The following TMEM191B variants were observed in gnomAD, a reference collection of about 807,000 sequenced individuals.
The protein encoded by TMEM191B is transmembrane protein 191B.
Under a neutral mutation model 26.6 loss-of-function variants are expected in TMEM191B, and 8 were observed. That is an observed-to-expected ratio of 0.30 (90% CI 0.18 to 0.54). The LOEUF is 0.54. Ranked by LOEUF, TMEM191B falls within the 20% of genes least tolerant of loss-of-function variation. TMEM191B has a pLI of 0.94. For synonymous variants in TMEM191B, 29 were observed against 113.7 expected (o/e 0.26, Z 4.74); for missense variants, 64 against 241.2 (o/e 0.27, Z 4.87).
In TMEM191B at chr22:18,530,268, G is replaced by C; in HGVS notation, c.850G>C (p.Gly284Arg). The change falls in exon 9 of 9, where the codon GGC (glycine) becomes CGC (arginine). Residue 284 changes from glycine to arginine, a missense_variant. Gly to Arg is a moderately radical substitution (Grantham distance 125). This residue lies in a region of TMEM191B where 26 missense variants were observed against 127.1 expected (regional missense o/e 0.20). Transcript: ENST00000612978. ...TTCGCCCCGCAGGCGGTGCGTGCTG[G>C]GCGCGCTGCAGGTGCTGCTGACGCT... is the stretch of plus-strand genomic sequence containing the variant. ...RALAIRRCVL[G>R]ALQVLLTLPL... The C allele has an allele frequency of 1.6e-5, 9 of 559,982 alleles. 3 individuals are homozygous for C. The highest frequency in any genetic ancestry group is 2.1e-5 in the Non-Finnish European group (9 of 419,716). The allele number at this position is 559,982 out of a possible 1,614,324, so 34.7% of individuals were successfully genotyped here.
Position 18,529,946 on chromosome 22 carries a change from C to G in TMEM191B, c.733C>G (p.Gln245Glu). The change falls in exon 7 of 9, where the codon CAG (glutamine) becomes GAG (glutamate). Residue 245 changes from glutamine (Q) to glutamate (E), a missense_variant. Coordinates refer to ENST00000612978, the MANE Select transcript of TMEM191B (RefSeq NM_001242313.1). The stretch of plus-strand genomic sequence containing the variant: ...TGCCTGTCCCCGCAGGTGTGACGGG[C>G]AGCTTCGCGGAGTGCAGTACAGCAC... ...PPPDLGRCDG[Q>E]LRGVQYSTES... is the part of the protein sequence containing the mutation. 6.9e-7 allele frequency: 1 copy of G among 1,448,164 alleles called. No individual in the cohort carries two copies. Among genetic ancestry groups the G allele is most frequent in the African/African-American group, 1.8e-5 (1 of 55,448 alleles). The allele number at this position is 1,448,164 out of a possible 1,614,324, so 89.7% of individuals were successfully genotyped here. A position where few individuals can be genotyped will look rare whatever the true frequency, so the allele number is the denominator to read the frequency against.
chr22:18,529,406 G>A (rs1932842200), intron 4 of TMEM191B, 35 bp from the exon 5 acceptor site: 1 of 393,632 alleles, frequency 2.5e-6, no homozygotes, highest in Non-Finnish European at 4.5e-6. Context: ...TTGCCGGCCT[G>A]CGGACCTCCT....
chr22:18,528,813 G>T lies in TMEM191B; in HGVS notation c.421-4G>T. 1 of 906,082 alleles carries T rather than the reference G, an allele frequency of 1.1e-6. No homozygotes were observed. Among genetic ancestry groups the T allele is most frequent in the Non-Finnish European group, 1.6e-6 (1 of 626,118 alleles). 56.1% of individuals were successfully genotyped at this position (906,082 alleles called of 1,614,324 possible). A position where few individuals can be genotyped will look rare whatever the true frequency, so the allele number is the denominator to read the frequency against. On this transcript the variant is annotated splice_region_variant and splice_polypyrimidine_tract_variant and intron_variant, in intron 2 of 8. Transcript: ENST00000612978. ...TCGGCACCGCCCCAGGACCCCGTCC[G>T]CAGGAGCAGCACAGCAGGCAGCTGC...
In TMEM191B at chr22:18,530,246, G is replaced by A; in HGVS notation, c.837-9G>A. On this transcript the variant is annotated splice_polypyrimidine_tract_variant and intron_variant, in intron 8 of 8. Coordinates refer to ENST00000612978, the MANE Select transcript of TMEM191B (RefSeq NM_001242313.1). ...GCGGTCCCCCACCTGCCCGCCTTTC[G>A]CCCCGCAGGCGGTGCGTGCTGGGCG... The A allele has an allele frequency of 1.9e-6, 1 of 539,366 alleles. No homozygotes were observed. Among genetic ancestry groups the A allele is most frequent in the Non-Finnish European group, 2.5e-6 (1 of 406,982 alleles). 33.4% of individuals were successfully genotyped at this position (539,366 alleles called of 1,614,324 possible).
rs1932831357 is a variant in TMEM191B, at chr22:18,528,690, A to G, written c.420+8A>G. 10 of 1,393,618 alleles carry G rather than the reference A, an allele frequency of 7.2e-6. No homozygotes were observed. The highest frequency in any genetic ancestry group is 9.3e-6 in the Non-Finnish European group (10 of 1,073,144). 86.3% of individuals were successfully genotyped at this position (1,393,618 alleles called of 1,614,324 possible). A position where few individuals can be genotyped will look rare whatever the true frequency, so the allele number is the denominator to read the frequency against. ...CGCCACAAGGAGGACTTGGTGAGGA[A>G]GAGTCCTAGAATGGGGCTGGACCCA... On this transcript the variant is annotated splice_region_variant and intron_variant, in intron 2 of 8. Coordinates refer to ENST00000612978, the MANE Select transcript of TMEM191B (RefSeq NM_001242313.1).
chr22:18,529,091 C>T lies in TMEM191B; in HGVS notation c.544C>T (p.Gln182Ter), dbSNP rs1471979278. 2.2e-6 allele frequency: 2 copies of T among 889,168 alleles called. No homozygotes were observed. The highest frequency in any genetic ancestry group is 3.2e-6 in the Non-Finnish European group (2 of 630,546). The allele number at this position is 889,168 out of a possible 1,614,324, so 55.1% of individuals were successfully genotyped here. Residue 182 changes from glutamine to a stop codon, truncating the protein, a stop_gained and splice_region_variant, in exon 4 of 9, where the codon CAG becomes TAG. Transcript: ENST00000612978. LOFTEE classifies it high-confidence loss of function. The part of the protein sequence containing the change: ...QQLAAQLVTL[Q>*]NELELAETKC... ...ACTCGCAGCCCAATTGGTGACGCTG[C>T]AGGTGCTTGAGCGGGACCCTGAGGT...
In TMEM191B at chr22:18,528,661, G is replaced by C; in HGVS notation, c.399G>C (p.Ala133=). ...AERVRRRLEE[A]ERHKEDLEQH... ...GGGTGCGCAGAAGACTGGAGGAGGC[G>C]GAGCGCCACAAGGAGGACTTGGTGA... The change falls in exon 2 of 9, where the codon GCG becomes GCC. Residue 133 remains alanine, a synonymous_variant. Transcript: ENST00000612978. 3.4e-6 allele frequency: 5 copies of C among 1,490,796 alleles called. No individual in the cohort carries two copies. Among genetic ancestry groups the C allele is most frequent in the Admixed American group, 2.3e-5 (1 of 44,342 alleles). The allele number at this position is 1,490,796 out of a possible 1,614,324, so 92.3% of individuals were successfully genotyped here.
chr22:18,530,215 G>A lies in TMEM191B; in HGVS notation c.836+19G>A, dbSNP rs532605347. The A allele has an allele frequency of 6.3e-4, 334 of 526,120 alleles. 45 individuals are homozygous for A. In the African/African-American group the frequency reaches 0.01, roughly 16 times the overall value. 32.6% of individuals were successfully genotyped at this position (526,120 alleles called of 1,614,324 possible). ...CCATCAGGTGAGCCGGGCGGTGGGC[G>A]CGGCCGCGGTCCCCCACCTGCCCGC... On this transcript the variant is annotated intron_variant, in intron 8 of 8. Coordinates refer to ENST00000612978, the MANE Select transcript of TMEM191B (RefSeq NM_001242313.1).
intron 4 of TMEM191B, among the ~76,000 whole-genome samples, 159 bp downstream of exon 4, chr22:18,529,252 C>G (rs1932839788): frequency 1.4e-5 from 1 of 72,568 alleles, no homozygotes; most frequent in African/African-American, 4.9e-5. Flanking sequence ...GCTCTGAGGG[C>G]TAGAATAGGG....
rs1342129558 is a variant in TMEM191B at position 18,528,604 on chromosome 22, G to A, written c.342G>A (p.Glu114=). Residue 114 remains glutamate, a synonymous_variant, in exon 2 of 9, where the codon GAG becomes GAA. Coordinates refer to ENST00000612978, the MANE Select transcript of TMEM191B (RefSeq NM_001242313.1). ...RSQAAQPLQG[E]AREAARERAE... is the part of the protein sequence containing the mutation. Reference sequence around the variant, plus strand: ...AGGCAGCGCAGCCTCTGCAAGGGGAGGCGCGCGAGGCGGCGCGGGAGCGCG... The same window carrying A: ...AGGCAGCGCAGCCTCTGCAAGGGGAAGCGCGCGAGGCGGCGCGGGAGCGCG... 2.3e-5 allele frequency: 31 copies of A among 1,336,948 alleles called. 1 individual carries two copies. Among genetic ancestry groups the A allele is most frequent in the Admixed American group, 2.6e-5 (1 of 38,060 alleles). 82.8% of individuals were successfully genotyped at this position (1,336,948 alleles called of 1,614,324 possible). A position where few individuals can be genotyped will look rare whatever the true frequency, so the allele number is the denominator to read the frequency against.
In TMEM191B at chr22:18,528,655, G is replaced by C. The variant is rs932487810; in HGVS notation, c.393G>C (p.Glu131Asp). The C allele has an allele frequency of 4.7e-6, 7 of 1,488,942 alleles. No homozygotes were observed. In the East Asian group the frequency reaches 1.9e-4, roughly 40 times the overall value. The allele number at this position is 1,488,942 out of a possible 1,614,324, so 92.2% of individuals were successfully genotyped here. Residue 131 changes from glutamate (E) to aspartate (D), a missense_variant, in exon 2 of 9, where the codon GAG (glutamate) becomes GAC (aspartate). This residue lies in a region of TMEM191B where 16 missense variants were observed against 18.1 expected (regional missense o/e 0.88). Transcript: ENST00000612978. Reference sequence around the variant, plus strand: ...CGGAGCGGGTGCGCAGAAGACTGGAGGAGGCGGAGCGCCACAAGGAGGACT... The same window carrying C: ...CGGAGCGGGTGCGCAGAAGACTGGACGAGGCGGAGCGCCACAAGGAGGACT... ...ERAERVRRRL[E>D]EAERHKEDLE...
At position 18,529,918 on chromosome 22, in the gene TMEM191B, G is replaced by C; in HGVS notation, c.723-18G>C. The C allele has an allele frequency of 7.7e-7, 1 of 1,295,582 alleles. No individual in the cohort carries two copies. The highest frequency in any genetic ancestry group is 1.5e-5 in the South Asian group (1 of 64,828). The allele number at this position is 1,295,582 out of a possible 1,614,324, so 80.3% of individuals were successfully genotyped here. On this transcript the variant is annotated intron_variant, in intron 6 of 8. Coordinates refer to ENST00000612978, the MANE Select transcript of TMEM191B (RefSeq NM_001242313.1). The stretch of plus-strand genomic sequence containing the variant: ...GTGGGGCCGGGCTGGGCTCCCACCT[G>C]CATGCCTGTCCCCGCAGGTGTGACG...
At chr22:18,529,560 C>G in intron 5 of TMEM191B, 46 bp from the exon 6 acceptor site, 1 of 454,922 alleles carries the variant, frequency 2.2e-6, no homozygotes, top group Non-Finnish European at 3.6e-6. Context: ...GGGGAAGGGC[C>G]TGTCGCCCCG....
At chr22:18,529,273 G>T in intron 4 of TMEM191B, 168 bp from the exon 5 acceptor site, 2 of 503,774 alleles carry the variant, frequency 4.0e-6, no homozygotes, top group East Asian at 5.2e-5. Flanking sequence ...GCGGAGCGCG[G>T]AGGGGGCGTG....
rs1932848400 is a variant in TMEM191B, at chr22:18,529,976, T to A, written c.763T>A (p.Ser255Thr). ...QLRGVQYSTE[S>T]LMEEMARADR... Reference sequence around the variant, plus strand: ...TCGCGGAGTGCAGTACAGCACCGAGTCGCTCATGGAGGAGATGGCCAGGGC... The same window carrying A: ...TCGCGGAGTGCAGTACAGCACCGAGACGCTCATGGAGGAGATGGCCAGGGC... Residue 255 changes from serine (S) to threonine (T), a missense_variant, in exon 7 of 9, where the codon TCG becomes ACG. Coordinates refer to ENST00000612978, the MANE Select transcript of TMEM191B (RefSeq NM_001242313.1). The A allele has an allele frequency of 1.4e-6, 2 of 1,478,998 alleles. No homozygotes were observed. Among genetic ancestry groups the A allele is most frequent in the Non-Finnish European group, 1.8e-6 (2 of 1,126,338 alleles). The allele number at this position is 1,478,998 out of a possible 1,614,324, so 91.6% of individuals were successfully genotyped here. A position where few individuals can be genotyped will look rare whatever the true frequency, so the allele number is the denominator to read the frequency against.
intron 4 of TMEM191B, 30 bp from the exon 5 acceptor site, chr22:18,529,411 C>T: frequency 2.5e-6 from 1 of 404,920 alleles, no homozygotes; most frequent in Non-Finnish European, 4.3e-6. Context: ...GGCCTGCGGA[C>T]CTCCTGACAT....
intron 2 of TMEM191B, 44 bp downstream of exon 2, chr22:18,528,726 A>G (rs2909302): frequency 0.68 from 412,096 of 605,624 alleles, 125,329 homozygotes; most frequent in East Asian, 0.7. Context: ...GGGTGGGGTG[A>G]GGCAGGGCGG....
intron 2 of TMEM191B, 53 bp downstream of exon 2, chr22:18,528,735 G>A (rs1932832154): frequency 5.7e-6 from 4 of 698,504 alleles, no homozygotes; most frequent in South Asian, 1.9e-5. Context: ...GAGGCAGGGC[G>A]GGCGGAAGGG....
intron 1 of TMEM191B, 81 bp from the exon 2 acceptor site, chr22:18,528,478 G>C: frequency 1.5e-6 from 1 of 666,006 alleles, no homozygotes; most frequent in East Asian, 3.0e-5. Context: ...TCATGAGCCT[G>C]CGGCTGGTCC....
Sources: gnomAD v4.1 joint callset for allele counts (sites outside exome capture counted in the v4.1 genomes callset) on GRCh38, gnomAD v4.1.1 for gene constraint, gnomAD v4.1.1 regional missense constraint, MANE v1.5 for transcripts, NCBI Gene and HGNC (gene_info 2026-07-23, HGNC 2026-07-21) for gene names.